Variants in VAV3 observed in about 807,000 individuals in gnomAD.
The protein encoded by VAV3 is guanine nucleotide exchange factor VAV3.
A neutral mutation model predicts 131.2 loss-of-function variants in VAV3; 94 were observed. The observed-to-expected ratio is 0.72, with a 90% CI of 0.61 to 0.85. The LOEUF is 0.85. VAV3 is among the 40% of genes least tolerant of loss of function. The pLI is 0.00. For synonymous variants in VAV3, 349 were observed against 342.0 expected (o/e 1.02, Z -0.22); for missense variants, 939 against 1,002.7 (o/e 0.94, Z 0.86).
At chr1:107,591,997 C>T (rs977208534) in intron 25 of VAV3, among the ~76,000 whole-genome samples, 1 of 151,952 alleles carries the variant, frequency 6.6e-6, no homozygotes, top group African/African-American at 2.4e-5. Context: ...CATATATACA[C>T]ACATATTTTA....
chr1:107,706,732 T>C (rs1660477504), intron 15 of VAV3, among the ~76,000 whole-genome samples: 1 of 152,224 alleles, frequency 6.6e-6, no homozygotes, highest in South Asian at 2.1e-4. Context: ...GTTGGTTCAT[T>C]TGTTTCTGAG....
chr1:107,826,892 T>C (rs1668040172), intron 2 of VAV3, among the ~76,000 whole-genome samples: 1 of 152,120 alleles, frequency 6.6e-6, no homozygotes, highest in African/African-American at 2.4e-5. Flanking sequence ...GATAAACAGC[T>C]TAATATCTAA....
intron 2 of VAV3, among the ~76,000 whole-genome samples, chr1:107,805,466 C>T (rs542124831): frequency 6.6e-6 from 1 of 152,270 alleles, no homozygotes; most frequent in Admixed American, 6.5e-5. Flanking sequence ...AATTTTGCAG[C>T]TCAGCAAATG....
intron 25 of VAV3, among the ~76,000 whole-genome samples, chr1:107,584,885 C>A (rs1650362315): frequency 6.6e-6 from 1 of 152,146 alleles, no homozygotes; most frequent in Non-Finnish European, 1.5e-5. Context: ...GATGTTAATT[C>A]TAAATCTATA....
At chr1:107,867,063 C>T (rs186794150) in intron 2 of VAV3, among the ~76,000 whole-genome samples, 45 of 152,244 alleles carry the variant, frequency 3.0e-4, no homozygotes, top group Admixed American at 6.5e-4. Context: ...TTGTTTTCCT[C>T]ACTGCAGGAC....
At chr1:107,953,565 T>C (rs1292768235) in intron 1 of VAV3, among the ~76,000 whole-genome samples, 1 of 152,186 alleles carries the variant, frequency 6.6e-6, no homozygotes, top group Admixed American at 6.5e-5. Flanking sequence ...TAGTATATTA[T>C]TGCACATGTA....
chr1:107,853,665 G>T (rs1325041769), intron 2 of VAV3, among the ~76,000 whole-genome samples: 1 of 151,396 alleles, frequency 6.6e-6, no homozygotes, highest in East Asian at 1.9e-4. Flanking sequence ...GCAGGACACA[G>T]AAAGACCATC....
At chr1:107,663,742 T>C (rs768262225) in intron 19 of VAV3, among the ~76,000 whole-genome samples, 2 of 152,230 alleles carry the variant, frequency 1.3e-5, no homozygotes, top group African/African-American at 4.8e-5. Flanking sequence ...AATAGTGTCA[T>C]AGTAATACTC....
At chr1:107,717,479 C>T (rs568295220) in intron 15 of VAV3, among the ~76,000 whole-genome samples, 46 of 152,156 alleles carry the variant, frequency 3.0e-4, no homozygotes, top group Non-Finnish European at 5.9e-4. Flanking sequence ...TTATTTCTGC[C>T]TTCAGTTTCT....
intron 2 of VAV3, among the ~76,000 whole-genome samples, chr1:107,797,944 G>T (rs1051204787): frequency 6.6e-6 from 1 of 152,184 alleles, no homozygotes; most frequent in African/African-American, 2.4e-5. Context: ...AGCTGTTGAT[G>T]CTGCTGGTCC....
chr1:107,636,873 C>T (rs565688268), intron 20 of VAV3, among the ~76,000 whole-genome samples: 1 of 152,224 alleles, frequency 6.6e-6, no homozygotes, highest in East Asian at 1.9e-4. Flanking sequence ...TACTAACTAA[C>T]TATACTAGCA....
chr1:107,630,343 A>G (rs1056763250), intron 20 of VAV3, among the ~76,000 whole-genome samples: 1 of 148,158 alleles, frequency 6.7e-6, no homozygotes, highest in Non-Finnish European at 1.5e-5. Flanking sequence ...GGAAGAATGG[A>G]TGGGAGGATG....
intron 10 of VAV3, among the ~76,000 whole-genome samples, chr1:107,759,823 A>G (rs1331401336): frequency 6.6e-6 from 1 of 152,146 alleles, no homozygotes; most frequent in South Asian, 2.1e-4. Flanking sequence ...TGACTACACC[A>G]AAGTTACAAA....
chr1:107,625,196 CA>C (rs1653922077), intron 20 of VAV3, among the ~76,000 whole-genome samples: 1 of 151,120 alleles, frequency 6.6e-6, no homozygotes, highest in South Asian at 2.1e-4. Flanking sequence ...CATGGTTGGC[CA>C]AAAAACATTT....
chr1:107,943,705 G>A (rs1435807356), intron 1 of VAV3, among the ~76,000 whole-genome samples: 1 of 152,230 alleles, frequency 6.6e-6, no homozygotes, highest in Non-Finnish European at 1.5e-5. Flanking sequence ...TGGTGCCACT[G>A]TGCTCCAGCC....
At chr1:107,726,665 A>G (rs1661861100) in intron 15 of VAV3, among the ~76,000 whole-genome samples, 1 of 152,240 alleles carries the variant, frequency 6.6e-6, no homozygotes, top group South Asian at 2.1e-4. Flanking sequence ...GATATGTTTT[A>G]CTGAATCAGC....
intron 2 of VAV3, among the ~76,000 whole-genome samples, chr1:107,800,828 T>A (rs890288124): frequency 2.6e-5 from 4 of 152,216 alleles, no homozygotes; most frequent in Non-Finnish European, 4.4e-5. Flanking sequence ...TGCCTTTATA[T>A]AATCCTATTT....
intron 1 of VAV3, among the ~76,000 whole-genome samples, chr1:107,952,549 CATAA>C (rs1674607128): frequency 6.7e-6 from 1 of 149,014 alleles, no homozygotes; most frequent in Middle Eastern, 3.5e-3. Context: ...CATGCACACA[CATAA>C]ATAAATCCAT....
chr1:107,835,219 C>T (rs929154590), intron 2 of VAV3, among the ~76,000 whole-genome samples: 5 of 152,294 alleles, frequency 3.3e-5, no homozygotes, highest in East Asian at 1.9e-4. Flanking sequence ...GCATGCACAC[C>T]GCACAGGTTC....
Sources: gnomAD v4.1 joint callset for allele counts (sites outside exome capture counted in the v4.1 genomes callset) on GRCh38, gnomAD v4.1.1 for gene constraint, MANE v1.5 for transcripts, NCBI Gene and HGNC (gene_info 2026-07-23, HGNC 2026-07-21) for gene names.